RNF216: variants seen among roughly 807,000 people sequenced by gnomAD.
The protein encoded by RNF216 is E3 ubiquitin-protein ligase RNF216.
RNF216 carries 72 observed loss-of-function variants against 110.8 expected under a neutral mutation model. The observed-to-expected ratio is 0.65, with a 90% CI of 0.54 to 0.79. RNF216 has a LOEUF of 0.79. RNF216 is among the 30% of genes least tolerant of loss of function. The pLI, the probability that RNF216 is intolerant of heterozygous loss-of-function variation, is 0.00. For missense variants in RNF216, 1,342 were observed against 1,141.2 expected (o/e 1.18, Z -2.54); for synonymous variants, 495 against 407.5 (o/e 1.21, Z -2.59).
intron 1 of RNF216, chr7:5,780,343 GCTT>G (rs775823440): frequency 1.3e-5 from 2 of 152,106 alleles, no homozygotes; most frequent in African/African-American, 2.4e-5. Flanking sequence ...ACGTCACAGT[GCTT>G]CTTCTGTAGG....
At chr7:5,774,152 G>A (rs1184383005) in intron 1 of RNF216, among the ~76,000 whole-genome samples, 1 of 149,072 alleles carries the variant, frequency 6.7e-6, no homozygotes, top group East Asian at 2.0e-4. Context: ...CTTTTAATCT[G>A]GGCTTCGGAT....
At chr7:5,737,949 A>G (rs1305449867) in intron 5 of RNF216, among the ~76,000 whole-genome samples, 2 of 152,014 alleles carry the variant, frequency 1.3e-5, no homozygotes, top group Non-Finnish European at 1.5e-5. Flanking sequence ...TTAGCCGGAC[A>G]GGGTGGAGTA....
chr7:5,659,990 T>A (rs1261183447), intron 13 of RNF216, among the ~76,000 whole-genome samples: 1 of 150,788 alleles, frequency 6.6e-6, no homozygotes, highest in African/African-American at 2.4e-5. Flanking sequence ...GGTCTTGCTC[T>A]GTTGCCCAGG....
chr7:5,708,890 A>C (rs1255155584), intron 13 of RNF216, among the ~76,000 whole-genome samples: 1 of 152,058 alleles, frequency 6.6e-6, no homozygotes, highest in Non-Finnish European at 1.5e-5. Context: ...CCTGGACCCA[A>C]AAAGCAGCCT....
At chr7:5,671,805 C>CAAAAAAAAAAAAAAAAAAAAAAAAAAA (rs11319565) in intron 13 of RNF216, among the ~76,000 whole-genome samples, 3 of 54,218 alleles carry the variant, frequency 5.5e-5, no homozygotes, top group Non-Finnish European at 6.6e-5. Context: ...AACTCCGTCT[C>CAAAAAAAAAAAAAAAAAAAAAAAAAAA]AAAAAAAAAA....
intron 13 of RNF216, among the ~76,000 whole-genome samples, chr7:5,676,518 T>C (rs1266682101): frequency 6.6e-6 from 1 of 152,156 alleles, no homozygotes; most frequent in Non-Finnish European, 1.5e-5. Context: ...GCCAAGCCAG[T>C]GGCCTCTGCT....
At chr7:5,652,326 C>T (rs771653100) in intron 14 of RNF216, 87 bp downstream of exon 14, 14 of 960,806 alleles carry the variant, frequency 1.5e-5, no homozygotes, top group Non-Finnish European at 2.0e-5. Flanking sequence ...CGTGTTCTTC[C>T]GACAACAGTA....
At chr7:5,775,833 C>T (rs1378607184) in intron 1 of RNF216, among the ~76,000 whole-genome samples, 3 of 151,624 alleles carry the variant, frequency 2.0e-5, no homozygotes, top group Non-Finnish European at 4.4e-5. Context: ...TGCGCCACTG[C>T]ACTCCTGCCT....
intron 3 of RNF216, among the ~76,000 whole-genome samples, chr7:5,748,446 G>C (rs1298523174): frequency 6.6e-6 from 1 of 152,180 alleles, no homozygotes; most frequent in East Asian, 1.9e-4. Context: ...TTTTAGTAGA[G>C]ACGGGGTTTC....
At chr7:5,712,509 C>T (rs994264765) in intron 12 of RNF216, among the ~76,000 whole-genome samples, 22 of 151,680 alleles carry the variant, frequency 1.5e-4, no homozygotes, top group Admixed American at 5.9e-4. Flanking sequence ...CAGATTTTTC[C>T]ATTAATAGAA....
At chr7:5,654,765 T>C (rs1307340924) in intron 13 of RNF216, among the ~76,000 whole-genome samples, 3 of 131,694 alleles carry the variant, frequency 2.3e-5, no homozygotes, top group Non-Finnish European at 4.7e-5. Flanking sequence ...TGACAGGACA[T>C]ACATTTAAAC....
In RNF216 at chr7:5,781,549, C is replaced by T. The variant is rs1460186908; in HGVS notation, c.-78G>A. 2.0e-5 allele frequency: 3 copies of T among 152,334 alleles called. No homozygotes were observed. Among genetic ancestry groups the T allele is most frequent in the African/African-American group, 7.2e-5 (3 of 41,466 alleles). 9.4% of individuals were successfully genotyped at this position (152,334 alleles called of 1,614,324 possible). ...CCGCAGCCGACACTCACTCGTCACT[C>T]AAGTCGCCGGCTAGCCAGGCAGGTT... is the stretch of plus-strand genomic sequence containing the variant. On this transcript the variant is annotated 5_prime_UTR_variant, in exon 1 of 17. Coordinates refer to ENST00000389902, the MANE Select transcript of RNF216 (RefSeq NM_207111.4).
At chr7:5,713,190 A>G (rs1166341676) in intron 11 of RNF216, 1 of 182,690 alleles carries the variant, frequency 5.5e-6, no homozygotes, top group Non-Finnish European at 1.1e-5. Flanking sequence ...GTTCCCCTCT[A>G]CAGATATTAG....
intron 10 of RNF216, among the ~76,000 whole-genome samples, chr7:5,716,024 A>G (rs933149870): frequency 1.3e-5 from 2 of 152,076 alleles, no homozygotes; most frequent in Admixed American, 1.3e-4. Flanking sequence ...TACAGGAGTG[A>G]GCCACTGCAT....
chr7:5,629,774 C>T (rs564759475), intron 15 of RNF216, among the ~76,000 whole-genome samples: 35 of 142,556 alleles, frequency 2.5e-4, no homozygotes, highest in African/African-American at 8.1e-4. Context: ...CTGCAGTTAG[C>T]CGAGATGGTG....
At chr7:5,643,891 T>G (rs1365174378) in intron 14 of RNF216, among the ~76,000 whole-genome samples, 1 of 152,198 alleles carries the variant, frequency 6.6e-6, no homozygotes, top group Non-Finnish European at 1.5e-5. Flanking sequence ...AGATTGCCAT[T>G]CTGAGGCTAG....
chr7:5,748,269 G>C (rs1295977393), intron 3 of RNF216, among the ~76,000 whole-genome samples: 1 of 152,124 alleles, frequency 6.6e-6, no homozygotes, highest in Non-Finnish European at 1.5e-5. Flanking sequence ...TTCACCTTTT[G>C]AAGGAAAAAG....
intron 13 of RNF216, among the ~76,000 whole-genome samples, chr7:5,676,271 C>T (rs1584431158): frequency 6.6e-6 from 1 of 152,180 alleles, no homozygotes; most frequent in East Asian, 1.9e-4. Flanking sequence ...CTTGGCCTCC[C>T]AAAGTGGGAG....
intron 13 of RNF216, among the ~76,000 whole-genome samples, chr7:5,707,660 G>T (rs117899626): frequency 2.7e-4 from 41 of 149,364 alleles, no homozygotes; most frequent in African/African-American, 9.9e-4. Flanking sequence ...TGGTGACAGT[G>T]ATATCCTTGC....
Sources: allele counts gnomAD v4.1 joint callset (sites outside exome capture counted in the v4.1 genomes callset), GRCh38; gene constraint gnomAD v4.1.1; transcripts MANE v1.5; gene names NCBI Gene and HGNC (gene_info 2026-07-23, HGNC 2026-07-21).